Variants in SORCS3 observed in about 807,000 individuals in gnomAD.
The protein encoded by SORCS3 is VPS10 domain-containing receptor SorCS3.
In SORCS3, 57 loss-of-function variants were observed where a neutral mutation model predicts 146.3. The observed-to-expected ratio is 0.39, with a 90% confidence interval of 0.31 to 0.49. The LOEUF (loss-of-function observed/expected upper bound fraction) is 0.49, where lower values mean the gene tolerates loss of function less well. Among genes scored for constraint, SORCS3 ranks in the 20% least tolerant of loss-of-function variants. The pLI, the probability that SORCS3 is intolerant of heterozygous loss-of-function variation, is 0.92. For synonymous variants in SORCS3, 653 were observed against 618.5 expected, an observed-to-expected ratio of 1.06 and a Z score of -0.83; for missense variants, 1,341 against 1,575.5, an observed-to-expected ratio of 0.85 and a Z score of 2.52.
chr10:105,165,227 A>G (rs1302210896), intron 12 of SORCS3, among the ~76,000 whole-genome samples: 1 of 152,150 alleles, frequency 6.6e-6, no homozygotes, highest in Non-Finnish European at 1.5e-5. Flanking sequence ...GTTCGTAGCT[A>G]GATAACTATA....
intron 4 of SORCS3, among the ~76,000 whole-genome samples, chr10:105,033,063 G>A (rs2055280780): frequency 6.6e-6 from 1 of 152,094 alleles, no homozygotes; most frequent in Admixed American, 6.6e-5. Flanking sequence ...ACAAAAGAAT[G>A]GACTTCAGTA....
intron 3 of SORCS3, among the ~76,000 whole-genome samples, chr10:104,946,261 C>T (rs2019369948): frequency 6.6e-6 from 1 of 151,872 alleles, no homozygotes; most frequent in Non-Finnish European, 1.5e-5. Context: ...GTTGCAAATA[C>T]AGGACGGCTG....
At position 105,247,257 on chromosome 10, in the gene SORCS3, C is replaced by G; in HGVS notation, c.3031C>G (p.Leu1011Val). Residue 1011 changes from leucine to valine, a missense_variant, in exon 22 of 27, where the codon CTG becomes GTG. By Grantham distance (32) the Leu-to-Val change is conservative (BLOSUM62 1). Coordinates refer to ENST00000369701, the MANE Select transcript of SORCS3 (RefSeq NM_014978.3). ...CCAGCTTTTATCATTCTCTCCTAAT[C>G]TGGATTACCACAATCCTGACATTCC... The part of the protein sequence containing the change: ...QSQLLSFSPN[L>V]DYHNPDIPEW... The G allele has an allele frequency of 6.2e-7, 1 of 1,611,744 alleles. No homozygotes were observed. Among genetic ancestry groups the G allele is most frequent in the Non-Finnish European group, 8.5e-7 (1 of 1,178,096 alleles).
At chr10:104,954,959 T>C (rs1305888653) in intron 3 of SORCS3, among the ~76,000 whole-genome samples, 4 of 152,222 alleles carry the variant, frequency 2.6e-5, no homozygotes, top group African/African-American at 4.8e-5. Flanking sequence ...TTTATTTATA[T>C]AGATTTTTTG....
intron 1 of SORCS3, among the ~76,000 whole-genome samples, chr10:104,697,846 T>C (rs575121818): frequency 5.1e-4 from 77 of 152,272 alleles, no homozygotes; most frequent in Non-Finnish European, 9.1e-4. Flanking sequence ...AACATAGTAG[T>C]TGATCCACAG....
intron 2 of SORCS3, among the ~76,000 whole-genome samples, chr10:104,856,769 T>C (rs949468872): frequency 6.9e-6 from 1 of 145,012 alleles, no homozygotes; most frequent in Non-Finnish European, 1.5e-5. Context: ...AATATACATA[T>C]AATATATAAA....
intron 7 of SORCS3, among the ~76,000 whole-genome samples, chr10:105,112,671 A>G (rs1414419125): frequency 6.6e-6 from 1 of 152,182 alleles, no homozygotes; most frequent in African/African-American, 2.4e-5. Context: ...TCAAGGTGGC[A>G]TTCCCAGGGA....
At chr10:104,956,305 C>T (rs1170623898) in intron 3 of SORCS3, among the ~76,000 whole-genome samples, 2 of 152,184 alleles carry the variant, frequency 1.3e-5, no homozygotes, top group African/African-American at 2.4e-5. Flanking sequence ...CTTCCTTTCT[C>T]GTTCTTCAGG....
intron 1 of SORCS3, among the ~76,000 whole-genome samples, chr10:104,802,467 C>T (rs979920869): frequency 1.3e-5 from 2 of 152,074 alleles, no homozygotes; most frequent in East Asian, 3.9e-4. Flanking sequence ...ATGATTTCCC[C>T]AAAAAAGTAA....
chr10:105,178,154 A>C lies in SORCS3; in HGVS notation c.1990A>C (p.Met664Leu). ...TGACGGGGCTCTGGTGGAGGCAGGA[A>C]TGGAGACCCACATCATGACGTGAGT... ...FVDGALVEAG[M>L]ETHIMTVFGH... Residue 664 changes from methionine (M) to leucine (L), a missense_variant, in exon 14 of 27, where the codon ATG becomes CTG. Met to Leu is a conservative substitution (Grantham distance 15). Transcript: ENST00000369701. 6.2e-7 allele frequency: 1 copy of C among 1,612,930 alleles called. No homozygotes were observed. The highest frequency in any genetic ancestry group is 8.5e-7 in the Non-Finnish European group (1 of 1,179,248).
At chr10:104,811,483 T>A (rs971565153) in intron 1 of SORCS3, among the ~76,000 whole-genome samples, 2 of 152,160 alleles carry the variant, frequency 1.3e-5, no homozygotes, top group Non-Finnish European at 2.9e-5. Flanking sequence ...CAGGAGGAAA[T>A]GGAAGCTATA....
At chr10:105,070,059 C>G (rs1169836274) in intron 5 of SORCS3, among the ~76,000 whole-genome samples, 1 of 152,188 alleles carries the variant, frequency 6.6e-6, no homozygotes, top group Non-Finnish European at 1.5e-5. Flanking sequence ...ACCACATTAT[C>G]AAACATGTAC....
At chr10:105,209,374 C>A (rs1414140197) in intron 16 of SORCS3, among the ~76,000 whole-genome samples, 4 of 152,100 alleles carry the variant, frequency 2.6e-5, no homozygotes. Context: ...AACTCCTGAC[C>A]TCAGATGATC....
intron 4 of SORCS3, among the ~76,000 whole-genome samples, chr10:104,981,387 A>C (rs1434168671): frequency 2.0e-5 from 3 of 152,214 alleles, no homozygotes; most frequent in Admixed American, 2.0e-4. Context: ...TGGAAATGAC[A>C]AAAGAAAAGC....
chr10:104,651,420 A>G lies in SORCS3; in HGVS notation c.627+9466A>G, dbSNP rs145963008. 8.4e-3 allele frequency among the ~76,000 whole-genome samples: 1,283 copies of G among 152,100 alleles called. 18 individuals are homozygous for G. The highest frequency in any genetic ancestry group is 0.029 in the African/African-American group (1,215 of 41,480). On this transcript the variant is annotated intron_variant, in intron 1 of 26. Coordinates refer to ENST00000369701, the MANE Select transcript of SORCS3 (RefSeq NM_014978.3). ...CTAGCATAATAGGCTATTTTAACAT[A>G]AGAATGTTAATTTTTGTAATTCCAG...
intron 3 of SORCS3, among the ~76,000 whole-genome samples, chr10:104,962,257 T>C (rs1020350522): frequency 6.6e-6 from 1 of 152,000 alleles, no homozygotes; most frequent in Non-Finnish European, 1.5e-5. Flanking sequence ...GTAAGCACAG[T>C]GATTTGAAAA....
intron 5 of SORCS3, among the ~76,000 whole-genome samples, chr10:105,044,644 T>A (rs375701211): frequency 1.7e-4 from 26 of 152,182 alleles, no homozygotes; most frequent in African/African-American, 6.3e-4. Context: ...TATGTTTAGA[T>A]TTTAAATGAA....
intron 5 of SORCS3, among the ~76,000 whole-genome samples, chr10:105,078,933 C>A (rs2055606188): frequency 6.7e-6 from 1 of 149,946 alleles, no homozygotes; most frequent in African/African-American, 2.5e-5. Context: ...AAAGGAGCAC[C>A]TGTTACAGTC....
At chr10:104,901,434 A>G (rs1564709370) in intron 2 of SORCS3, among the ~76,000 whole-genome samples, 1 of 152,050 alleles carries the variant, frequency 6.6e-6, no homozygotes, top group East Asian at 1.9e-4. Flanking sequence ...ATTGCTTCCT[A>G]CTCATTTATC....
Sources: gnomAD v4.1 joint callset for allele counts (sites outside exome capture counted in the v4.1 genomes callset) on GRCh38, gnomAD v4.1.1 for gene constraint, MANE v1.5 for transcripts, NCBI Gene and HGNC (gene_info 2026-07-23, HGNC 2026-07-21) for gene names.